The following PDE10A variants were observed in gnomAD, a reference collection of about 807,000 sequenced individuals.
PDE10A encodes phosphodiesterase 10A.
PDE10A carries 39 observed loss-of-function variants against 97.7 expected under a neutral mutation model. That is an observed-to-expected ratio of 0.40 (90% CI 0.31 to 0.52). The LOEUF (loss-of-function observed/expected upper bound fraction) is 0.52, where lower values mean the gene tolerates loss of function less well. PDE10A is among the 20% of genes least tolerant of loss of function. PDE10A has a pLI of 0.56. For missense variants in PDE10A, 731 were observed against 1,047.8 expected (o/e 0.70, Z 4.17); for synonymous variants, 371 against 376.8 (o/e 0.98, Z 0.18).
In PDE10A at chr6:165,525,787, G is replaced by T. The variant is rs144299038; in HGVS notation, c.994+17653C>A. ...GGTGTAGATACTATAATGGACAGCA[G>T]AGACAAAACAGCAATCAGAATATTC... On this transcript the variant is annotated intron_variant, in intron 2 of 21. Coordinates refer to ENST00000539869, the MANE Select transcript of PDE10A (RefSeq NM_001385079.1). Among the ~76,000 whole-genome samples, 58 of 152,268 alleles carry T rather than the reference G, an allele frequency of 3.8e-4. 1 individual carries two copies. The highest frequency in any genetic ancestry group is 1.4e-3 in the African/African-American group (57 of 41,560).
chr6:165,523,433 T>G (rs781171096), intron 2 of PDE10A, among the ~76,000 whole-genome samples: 4 of 151,854 alleles, frequency 2.6e-5, no homozygotes, highest in Non-Finnish European at 5.9e-5. Flanking sequence ...CATAGAGCAA[T>G]GAATAGAATA....
chr6:165,856,301 A>G (rs1329329770), intron 1 of PDE10A, among the ~76,000 whole-genome samples: 1 of 152,212 alleles, frequency 6.6e-6, no homozygotes, highest in African/African-American at 2.4e-5. Flanking sequence ...TAATGCCTTC[A>G]TCACAGGGCC....
chr6:165,833,836 G>T (rs1292763230), intron 1 of PDE10A, among the ~76,000 whole-genome samples: 1 of 152,222 alleles, frequency 6.6e-6, no homozygotes, highest in East Asian at 1.9e-4. Flanking sequence ...GATGAAGGTG[G>T]TCCCAAAGCA....
At chr6:165,489,312 T>C (rs1780091780) in intron 2 of PDE10A, among the ~76,000 whole-genome samples, 2 of 152,156 alleles carry the variant, frequency 1.3e-5, no homozygotes. Context: ...TGGAACCTGG[T>C]AGTTCTGCTG....
rs1562809776 is a variant in PDE10A, at chr6:165,943,229, A to AGG, written c.-615+44299_-615+44300insCC. Among the ~76,000 whole-genome samples, 464 of 57,920 alleles carry AGG rather than the reference A, an allele frequency of 8.0e-3. 5 individuals are homozygous for AGG. The highest frequency in any genetic ancestry group is 0.012 in the Non-Finnish European group (332 of 26,744). 38.0% of individuals were successfully genotyped at this position (57,920 alleles called of 152,430 possible). ...AAAGAAAGAAAGAAAGAAAGAAAGA[A>AGG]AGAAAGAAGGAAGGAAGGAAGGAAG... On this transcript the variant is annotated intron_variant, in intron 1 of 19. Transcript: ENST00000366882.
At chr6:165,474,557 G>T (rs1779187889) in intron 3 of PDE10A, among the ~76,000 whole-genome samples, 1 of 152,046 alleles carries the variant, frequency 6.6e-6, no homozygotes, top group South Asian at 2.1e-4. Flanking sequence ...TTATTACTGG[G>T]TGATGAACTA....
intron 18 of PDE10A, among the ~76,000 whole-genome samples, chr6:165,367,051 T>C (rs1051661904): frequency 4.6e-5 from 7 of 151,962 alleles, no homozygotes; most frequent in African/African-American, 9.7e-5. Context: ...AAAACCCAGA[T>C]AGTGAAAATT....
intron 1 of PDE10A, among the ~76,000 whole-genome samples, chr6:165,852,559 T>C (rs1780600571): frequency 6.6e-6 from 1 of 152,232 alleles, no homozygotes; most frequent in African/African-American, 2.4e-5. Flanking sequence ...ATCTGTGTCA[T>C]GAGAACAATT....
chr6:165,459,489 T>TTAGATAGATAGATAGA (rs147229263), intron 3 of PDE10A, among the ~76,000 whole-genome samples: 2 of 146,946 alleles, frequency 1.4e-5, no homozygotes, highest in East Asian at 2.0e-4. Context: ...TTCTAATGCA[T>TTAGATAGATAGATAGA]TAGATAGATA....
Position 165,329,373 on chromosome 6 carries a change from C to A in PDE10A, c.*3652G>T, listed in dbSNP as rs1781217338. ...TGATAAAATGAATTGTGCGTTCCTG[C>A]AAATATTTTCAATTATACTTAAGCA... is the stretch of plus-strand genomic sequence containing the variant. On this transcript the variant is annotated 3_prime_UTR_variant, in exon 22 of 22. Transcript: ENST00000539869. The A allele has an allele frequency of 6.6e-6, 1 of 152,032 alleles. No individual in the cohort carries two copies. The highest frequency in any genetic ancestry group is 6.6e-5 in the Admixed American group (1 of 15,260). The allele number at this position is 152,032 out of a possible 1,614,324, so 9.4% of individuals were successfully genotyped here.
At chr6:165,714,721 C>CT (rs1460405833) in intron 1 of PDE10A, among the ~76,000 whole-genome samples, 1 of 152,238 alleles carries the variant, frequency 6.6e-6, no homozygotes, top group African/African-American at 2.4e-5. Context: ...CCATGAATCC[C>CT]TGCCCTAAAG....
chr6:165,788,518 C>CAAAAAAAAAAAAAAAAAAAAAGAAAAAAA (rs1778557837), intron 1 of PDE10A, among the ~76,000 whole-genome samples: 1 of 74,764 alleles, frequency 1.3e-5, no homozygotes, highest in Non-Finnish European at 2.3e-5. Context: ...AACTCTGTCT[C>CAAAAAAAAAAAAAAAAAAAAAGAAAAAAA]AAAAAAAAAA....
At chr6:165,742,943 G>T (rs1223753918) in intron 1 of PDE10A, among the ~76,000 whole-genome samples, 1 of 152,168 alleles carries the variant, frequency 6.6e-6, no homozygotes, top group Non-Finnish European at 1.5e-5. Flanking sequence ...CTCAACTGAT[G>T]CTCCTCCTGA....
chr6:165,946,259 G>A (rs1328636830), intron 1 of PDE10A, among the ~76,000 whole-genome samples: 1 of 152,202 alleles, frequency 6.6e-6, no homozygotes, highest in African/African-American at 2.4e-5. Context: ...CACTTTGGGA[G>A]ACTGAGGCGG....
chr6:165,595,810 A>G (rs1786551672), intron 1 of PDE10A, among the ~76,000 whole-genome samples: 1 of 152,156 alleles, frequency 6.6e-6, no homozygotes, highest in Non-Finnish European at 1.5e-5. Context: ...GGAAAGCAGC[A>G]TTTTGGGGCC....
intron 2 of PDE10A, among the ~76,000 whole-genome samples, chr6:165,498,029 T>C (rs115322846): frequency 1.1e-4 from 16 of 152,232 alleles, no homozygotes; most frequent in South Asian, 4.1e-4. Flanking sequence ...TCTTACAATG[T>C]TTTGTGACTC....
chr6:165,438,053 G>A (rs373273718), intron 5 of PDE10A, among the ~76,000 whole-genome samples: 9 of 152,162 alleles, frequency 5.9e-5, no homozygotes, highest in African/African-American at 1.7e-4. Context: ...CTAGGGAAAC[G>A]TTAATTTACA....
At chr6:165,911,338 C>T (rs945728986) in intron 1 of PDE10A, among the ~76,000 whole-genome samples, 1 of 152,038 alleles carries the variant, frequency 6.6e-6, no homozygotes, top group Non-Finnish European at 1.5e-5. Context: ...CCTAAAATGG[C>T]AAAGACGTTA....
At chr6:165,827,178 G>A (rs9295314) in intron 1 of PDE10A, among the ~76,000 whole-genome samples, 98,637 of 152,126 alleles carry the variant, frequency 0.65, 32,107 homozygotes, top group Admixed American at 0.72. Context: ...GTGGAGCGCG[G>A]AGGCCAAGCT....
Sources: gnomAD v4.1 joint callset for allele counts (sites outside exome capture counted in the v4.1 genomes callset) on GRCh38, gnomAD v4.1.1 for gene constraint, MANE v1.5 for transcripts, NCBI Gene and HGNC (gene_info 2026-07-23, HGNC 2026-07-21) for gene names.